The following MCF2L2 variants were observed in gnomAD, a reference collection of about 807,000 sequenced individuals.
MCF2L2 encodes the protein MCF.2 cell line derived transforming sequence-like 2, also known as probable guanine nucleotide exchange factor MCF2L2.
MCF2L2 carries 102 observed loss-of-function variants against 150.2 expected under a neutral mutation model. That is an observed-to-expected ratio of 0.68 (90% confidence interval 0.58 to 0.80). MCF2L2 has a LOEUF of 0.80. MCF2L2 is among the 30% of genes least tolerant of loss of function. The probability of loss-of-function intolerance (pLI) is 0.00; values close to 1 mark genes in which losing one functional copy is unlikely to be tolerated. For missense variants in MCF2L2, 1,256 were observed against 1,372.8 expected, an observed-to-expected ratio of 0.91 and a Z score of 1.34; for synonymous variants, 465 against 491.3, an observed-to-expected ratio of 0.95 and a Z score of 0.71.
intron 5 of MCF2L2, among the ~76,000 whole-genome samples, chr3:183,335,719 T>G (rs2108534963): frequency 6.6e-6 from 1 of 151,702 alleles, no homozygotes; most frequent in Non-Finnish European, 1.5e-5. Flanking sequence ...AATTAAAAAA[T>G]CAGCCAGGCA....
chr3:183,200,065 G>A (rs1247180469), intron 25 of MCF2L2, among the ~76,000 whole-genome samples: 1 of 152,138 alleles, frequency 6.6e-6, no homozygotes, highest in Non-Finnish European at 1.5e-5. Flanking sequence ...TTGCTATTGT[G>A]AATAGTGCTG....
intron 3 of MCF2L2, chr3:183,378,030 A>T (rs536541677): frequency 6.6e-6 from 1 of 152,252 alleles, no homozygotes; most frequent in Non-Finnish European, 1.5e-5. Context: ...AGAAAAAACT[A>T]AAGAAAAAGG....
chr3:183,338,841 C>A lies in MCF2L2; in HGVS notation c.445G>T (p.Gly149Cys). The A allele has an allele frequency of 6.2e-7, 1 of 1,606,946 alleles. No homozygotes were observed. The highest frequency in any genetic ancestry group is 1.1e-5 in the South Asian group (1 of 90,384). The change falls in exon 5 of 30, where the codon GGC becomes TGC. Residue 149 changes from glycine to cysteine, a missense_variant. By Grantham distance (159) the Gly-to-Cys change is radical (BLOSUM62 -3). Coordinates refer to ENST00000328913, the MANE Select transcript of MCF2L2 (RefSeq NM_015078.4). ...RFIQRTFTDI[G>C]IKYYRNEFKT... ...AACTCATTTCGATAGTATTTAATGC[C>A]AATGTCAGTGAATGTCCTCTGGATA...
At chr3:183,266,569 T>C (rs1050332359) in intron 15 of MCF2L2, among the ~76,000 whole-genome samples, 1 of 152,224 alleles carries the variant, frequency 6.6e-6, no homozygotes, top group Non-Finnish European at 1.5e-5. Context: ...GGATGGTTGT[T>C]ATCTGGATGA....
intron 14 of MCF2L2, 105 bp from the exon 15 acceptor site, chr3:183,277,062 G>C: frequency 1.4e-6 from 1 of 706,116 alleles, no homozygotes; most frequent in East Asian, 2.9e-5. Context: ...TGAGTCTCTC[G>C]ATAAGCAAAA....
rs951280004 is a variant in MCF2L2 at position 183,283,025 on chromosome 3, C to A, written c.1777-6068G>T. ...CTTCCTAAGTACTTTATCGGGCCAA[C>A]AAATTCATCCCATGAGGAATCCAAG... On this transcript the variant is annotated intron_variant, in intron 14 of 29. Transcript: ENST00000328913. The surrounding 1 kb of genome is among the most constrained non-coding windows in gnomAD (Gnocchi z 4.2). Among the ~76,000 whole-genome samples, 1 of 152,206 alleles carries A rather than the reference C, an allele frequency of 6.6e-6. No individual in the cohort carries two copies. Among genetic ancestry groups the A allele is most frequent in the Non-Finnish European group, 1.5e-5 (1 of 68,034 alleles).
At chr3:183,191,955 C>A (rs1721908330) in intron 27 of MCF2L2, among the ~76,000 whole-genome samples, 1 of 150,624 alleles carries the variant, frequency 6.6e-6, no homozygotes, top group Non-Finnish European at 1.5e-5. Context: ...ATTCTCCTGC[C>A]TCAGCCTCCC....
At chr3:183,396,350 A>T (rs1714456018) in intron 1 of MCF2L2, among the ~76,000 whole-genome samples, 1 of 152,176 alleles carries the variant, frequency 6.6e-6, no homozygotes, top group African/African-American at 2.4e-5. Flanking sequence ...TAAATGAATT[A>T]ACTTGAGAAA....
intron 6 of MCF2L2, among the ~76,000 whole-genome samples, chr3:183,320,648 T>C (rs1189075285): frequency 1.3e-5 from 2 of 152,208 alleles, no homozygotes; most frequent in Admixed American, 6.5e-5. Flanking sequence ...TGATCTTCTA[T>C]CCAGGCCCAG....
At position 183,408,553 on chromosome 3, in the gene MCF2L2, C is replaced by A. The variant is rs540334105; in HGVS notation, c.77-18774G>T. 7.9e-4 allele frequency among the ~76,000 whole-genome samples: 120 copies of A among 152,294 alleles called. 2 individuals are homozygous for A. In the South Asian group the frequency reaches 0.024, roughly 30 times the overall value. On this transcript the variant is annotated intron_variant, in intron 1 of 29. Transcript: ENST00000328913. Reference sequence around the variant, plus strand: ...TCCCATCCTTAGACCTGGCCCAGTGCCCAGCTCCCGCAGGCCTTCATGAAA... The same window carrying A: ...TCCCATCCTTAGACCTGGCCCAGTGACCAGCTCCCGCAGGCCTTCATGAAA...
At chr3:183,334,530 G>A (rs1730391471) in intron 5 of MCF2L2, among the ~76,000 whole-genome samples, 1 of 152,016 alleles carries the variant, frequency 6.6e-6, no homozygotes. Flanking sequence ...ACTCACGCCT[G>A]TAATACCGGC....
chr3:183,268,772 A>G (rs1165515693), intron 15 of MCF2L2, among the ~76,000 whole-genome samples: 1 of 152,148 alleles, frequency 6.6e-6, no homozygotes, highest in Non-Finnish European at 1.5e-5. Context: ...GGTACAAGAA[A>G]CCGTAAGTGG....
intron 13 of MCF2L2, among the ~76,000 whole-genome samples, chr3:183,291,353 T>C (rs1728133626): frequency 6.6e-6 from 1 of 152,230 alleles, no homozygotes; most frequent in Non-Finnish European, 1.5e-5. Flanking sequence ...ACCTTTTTCA[T>C]CTGTAAAGTA....
Position 183,227,376 on chromosome 3 carries a change from G to T in MCF2L2, c.2115+921C>A, listed in dbSNP as rs192284664. 6.6e-6 allele frequency: 1 copy of T among 152,332 alleles called. No individual in the cohort carries two copies. The highest frequency in any genetic ancestry group is 2.4e-5 in the African/African-American group (1 of 41,572). The allele number at this position is 152,332 out of a possible 1,614,324, so 9.4% of individuals were successfully genotyped here. A position where few individuals can be genotyped will look rare whatever the true frequency, so the allele number is the denominator to read the frequency against. The stretch of plus-strand genomic sequence containing the variant: ...GTCTGGGAGGTGGGAAGAAGGGGTA[G>T]TTGGAGGTATAATGTTGTAGGCCAA... On this transcript the variant is annotated intron_variant, in intron 18 of 29. Coordinates refer to ENST00000328913, the MANE Select transcript of MCF2L2 (RefSeq NM_015078.4). This position sits in a 1 kb window ranked among gnomAD's most constrained non-coding sequence, Gnocchi z 4.0.
chr3:183,332,800 C>T (rs1730323971), intron 5 of MCF2L2, among the ~76,000 whole-genome samples: 1 of 152,126 alleles, frequency 6.6e-6, no homozygotes, highest in Admixed American at 6.5e-5. Flanking sequence ...ACTCAGGCCT[C>T]ACATTTTCCT....
At chr3:183,370,546 C>T (rs1046547949) in intron 3 of MCF2L2, among the ~76,000 whole-genome samples, 1 of 152,178 alleles carries the variant, frequency 6.6e-6, no homozygotes, top group Admixed American at 6.5e-5. Flanking sequence ...AAAGATGGAA[C>T]GTGGGTTTCT....
At chr3:183,425,107 G>A (rs995726026) in intron 1 of MCF2L2, among the ~76,000 whole-genome samples, 3 of 152,060 alleles carry the variant, frequency 2.0e-5, no homozygotes, top group East Asian at 1.9e-4. Flanking sequence ...TTTGCACAAC[G>A]GCTAGTTAAA....
chr3:183,255,341 T>C (rs879403776), intron 15 of MCF2L2, among the ~76,000 whole-genome samples: 13 of 152,260 alleles, frequency 8.5e-5, no homozygotes, highest in Non-Finnish European at 1.6e-4. Context: ...ATTTTCTATC[T>C]GGTCACAAGT....
rs548752506 is a variant in MCF2L2 at position 183,219,271 on chromosome 3, G to T, written c.2370+585C>A. 4.6e-5 allele frequency among the ~76,000 whole-genome samples: 7 copies of T among 152,266 alleles called. 1 individual carries two copies. In the South Asian group the frequency reaches 1.5e-3, roughly 32 times the overall value. On this transcript the variant is annotated intron_variant, in intron 21 of 29. Transcript: ENST00000328913. ...ATTTTATCATATCTATTTACTTCCA[G>T]TCTTTTATGTATGCATTTTACGTAT...
Sources: allele counts gnomAD v4.1 joint callset (sites outside exome capture counted in the v4.1 genomes callset), GRCh38; gene constraint gnomAD v4.1.1; non-coding constraint Gnocchi (gnomAD v3.1); transcripts MANE v1.5; gene names NCBI Gene and HGNC (gene_info 2026-07-23, HGNC 2026-07-21).